The following ANKHD1 variants were observed in gnomAD, a reference collection of about 807,000 sequenced individuals.
ANKHD1 encodes the protein ankyrin repeat and KH domain-containing protein 1.
In ANKHD1, 31 loss-of-function variants were observed where a neutral mutation model predicts 230.5. The observed-to-expected ratio is 0.13, with a 90% CI of 0.10 to 0.18. ANKHD1 has a LOEUF of 0.18. ANKHD1 is among the 10% of genes least tolerant of loss of function. The probability of loss-of-function intolerance (pLI) is 1.00; values close to 1 mark genes in which losing one functional copy is unlikely to be tolerated. For missense variants in ANKHD1, 2,256 were observed against 3,071.3 expected (o/e 0.73, Z 6.27); for synonymous variants, 1,074 against 1,117.6 (o/e 0.96, Z 0.78).
intron 2 of ANKHD1, among the ~76,000 whole-genome samples, chr5:140,436,618 C>T (rs1360274116): frequency 1.3e-5 from 2 of 151,896 alleles, no homozygotes; most frequent in African/African-American, 4.8e-5. Flanking sequence ...TGGCGGTGTG[C>T]GCCTGTAGTC....
intron 22 of ANKHD1, 81 bp downstream of exon 22, chr5:140,510,262 G>A (rs1306619546): frequency 4.2e-6 from 6 of 1,425,260 alleles, no homozygotes; most frequent in Non-Finnish European, 5.6e-6. Flanking sequence ...GTTTATCTTG[G>A]AGAATTGAGT....
intron 6 of ANKHD1, 103 bp from the exon 7 acceptor site, chr5:140,449,108 T>C: frequency 8.2e-7 from 1 of 1,215,516 alleles, no homozygotes; most frequent in Non-Finnish European, 1.1e-6. Flanking sequence ...AAATAAGTTA[T>C]CAAATTCTTG....
intron 5 of ANKHD1, among the ~76,000 whole-genome samples, chr5:140,444,023 AT>A (rs1774076911): frequency 6.9e-6 from 1 of 145,974 alleles, no homozygotes; most frequent in African/African-American, 2.6e-5. Flanking sequence ...CAGTACCTTT[AT>A]TTTTAAAAAG....
chr5:140,464,869 T>C (rs1775977928), intron 10 of ANKHD1, 93 bp downstream of exon 10: 2 of 1,249,882 alleles, frequency 1.6e-6, no homozygotes, highest in Non-Finnish European at 2.1e-6. Context: ...ATGGTTTGCG[T>C]ACTTTGTATA....
intron 24 of ANKHD1, among the ~76,000 whole-genome samples, chr5:140,519,424 C>G (rs1397034355): frequency 6.6e-6 from 1 of 152,154 alleles, no homozygotes; most frequent in Non-Finnish European, 1.5e-5. Flanking sequence ...ATTGGAATAA[C>G]TACTTTAAAG....
chr5:140,497,126 T>A lies in ANKHD1; in HGVS notation c.2852T>A (p.Leu951His). 2.5e-6 allele frequency: 4 copies of A among 1,614,162 alleles called. No homozygotes were observed. The highest frequency in any genetic ancestry group is 3.4e-6 in the Non-Finnish European group (4 of 1,180,024). ...TCTAATGGGACAAATTCTCTTGAAC[T>A]TCAGAAAGTATCAGGTAATCAGCAG... ...LGSNGTNSLELQKVSGNQQIV... is the reference protein window; with the variant it reads ...LGSNGTNSLEHQKVSGNQQIV... The change falls in exon 15 of 34, where the codon CTT (leucine) becomes CAT (histidine). Residue 951 changes from leucine (L) to histidine (H), a missense_variant. This residue lies in a region of ANKHD1 where 358 missense variants were observed against 397.7 expected (regional missense o/e 0.90). Transcript: ENST00000360839.
intron 2 of ANKHD1, among the ~76,000 whole-genome samples, chr5:140,437,214 C>T (rs1773519167): frequency 1.3e-5 from 2 of 152,232 alleles, no homozygotes; most frequent in South Asian, 4.1e-4. Flanking sequence ...TTGAAGGGTA[C>T]CATAATATTC....
chr5:140,453,498 G>C (rs1366588835), intron 7 of ANKHD1, among the ~76,000 whole-genome samples: 1 of 152,208 alleles, frequency 6.6e-6, no homozygotes, highest in Non-Finnish European at 1.5e-5. Context: ...AAACCCATCA[G>C]ACTAACAGCG....
chr5:140,417,273 A>G (rs1296496222), intron 1 of ANKHD1, among the ~76,000 whole-genome samples: 1 of 152,108 alleles, frequency 6.6e-6, no homozygotes, highest in Non-Finnish European at 1.5e-5. Context: ...TGGAAAAATT[A>G]TCTCAATATG....
chr5:140,450,263 G>C (rs1373691389), intron 7 of ANKHD1, among the ~76,000 whole-genome samples: 1 of 151,214 alleles, frequency 6.6e-6, no homozygotes, highest in Non-Finnish European at 1.5e-5. Flanking sequence ...AAAACATAAT[G>C]GCTTAATGTA....
chr5:140,482,540 T>C, intron 10 of ANKHD1, 40 bp from the exon 11 acceptor site: 1 of 1,600,596 alleles, frequency 6.2e-7, no homozygotes, highest in Middle Eastern at 1.7e-4. Context: ...ATGGTTAGAC[T>C]GTTGGCATTG....
chr5:140,458,265 T>A (rs1775367818), intron 7 of ANKHD1, among the ~76,000 whole-genome samples: 1 of 152,180 alleles, frequency 6.6e-6, no homozygotes. Context: ...GGCAGTAGTA[T>A]AATCTTGTTA....
At position 140,531,468 on chromosome 5, in the gene ANKHD1, C is replaced by T. The variant is rs1053027981; in HGVS notation, c.6850+1672C>T. The T allele has an allele frequency of 5.5e-5, 11 of 199,492 alleles. No homozygotes were observed. The East Asian group carries it at 7.3e-4, about 13-fold the overall frequency. 12.4% of individuals were successfully genotyped at this position (199,492 alleles called of 1,614,324 possible). On this transcript the variant is annotated intron_variant, in intron 29 of 33. Coordinates refer to ENST00000360839, the MANE Select transcript of ANKHD1 (RefSeq NM_017747.3). ...TGATGGTGCAGGTCTGTAGTCCCAG[C>T]TACTTGGGAGGCTGAGGCACAGGAA...
chr5:140,526,407 A>G lies in ANKHD1; in HGVS notation c.4904A>G (p.Glu1635Gly), dbSNP rs1581375760. The stretch of plus-strand genomic sequence containing the variant: ...TCACTGCTCCTTCATTCCCAAGAAG[A>G]AAAGACAAGTACTGCTACTTCCAAA... ...YPSLLLHSQE[E>G]KTSTATSKTQ... The change falls in exon 26 of 34, where the codon GAA (glutamate) becomes GGA (glycine). Residue 1635 changes from glutamate to glycine, a missense_variant. Physicochemically the swap from Glu to Gly is moderately conservative, Grantham distance 98. This residue lies in a region of ANKHD1 where 212 missense variants were observed against 257.3 expected (regional missense o/e 0.82). Transcript: ENST00000360839. 6.2e-7 allele frequency: 1 copy of G among 1,613,794 alleles called. No homozygotes were observed. The highest frequency in any genetic ancestry group is 1.1e-5 in the South Asian group (1 of 90,996).
rs1752581321 is a variant in ANKHD1 at position 140,507,308 on chromosome 5, T to G, written c.3551+331T>G. On this transcript the variant is annotated intron_variant, in intron 19 of 33. Transcript: ENST00000360839. This position sits in a 1 kb window ranked among gnomAD's most constrained non-coding sequence, Gnocchi z 4.1. ...TAAATAGGAATTACATTTTATTTTT[T>G]AAGTTATTTATTTTTTGAGATGGAG... 6.6e-6 allele frequency among the ~76,000 whole-genome samples: 1 copy of G among 152,232 alleles called. No individual in the cohort carries two copies. The highest frequency in any genetic ancestry group is 2.1e-4 in the South Asian group (1 of 4,834).
chr5:140,402,835 T>C (rs1242535458), intron 1 of ANKHD1, among the ~76,000 whole-genome samples: 1 of 152,102 alleles, frequency 6.6e-6, no homozygotes, highest in Non-Finnish European at 1.5e-5. Flanking sequence ...GACTCCTCCT[T>C]CTGGGACCTT....
intron 9 of ANKHD1, among the ~76,000 whole-genome samples, chr5:140,460,814 C>A (rs1775650364): frequency 6.6e-6 from 1 of 152,184 alleles, no homozygotes; most frequent in East Asian, 1.9e-4. Context: ...AACTACCACA[C>A]CCGGCCTTAA....
At chr5:140,423,360 C>G (rs749200035) in intron 1 of ANKHD1, among the ~76,000 whole-genome samples, 4 of 152,006 alleles carry the variant, frequency 2.6e-5, no homozygotes, top group Non-Finnish European at 4.4e-5. Context: ...GATCATTGCC[C>G]TGTGTTAGTT....
intron 14 of ANKHD1, among the ~76,000 whole-genome samples, chr5:140,488,254 G>T (rs2127022394): frequency 6.6e-6 from 1 of 152,164 alleles, no homozygotes; most frequent in Admixed American, 6.5e-5. Flanking sequence ...CCTTATAGAG[G>T]ACTGTAGTAA....
Sources: allele counts gnomAD v4.1 joint callset (sites outside exome capture counted in the v4.1 genomes callset), GRCh38; gene constraint gnomAD v4.1.1; regional missense constraint gnomAD v4.1.1; non-coding constraint Gnocchi (gnomAD v3.1); transcripts MANE v1.5; gene names NCBI Gene and HGNC (gene_info 2026-07-23, HGNC 2026-07-21).